Variants in DOCK5 observed in about 807,000 individuals in gnomAD.
The protein encoded by DOCK5 is dedicator of cytokinesis 5, also known as dedicator of cytokinesis protein 5.
In DOCK5, 142 loss-of-function variants were observed where a neutral mutation model predicts 251.8. The ratio of observed to expected loss-of-function variants is 0.56; its 90% CI spans 0.49 to 0.65. DOCK5 has a LOEUF of 0.65. DOCK5 is among the 30% of genes least tolerant of loss of function. The pLI, the probability that DOCK5 is intolerant of heterozygous loss-of-function variation, is 0.00. For synonymous variants in DOCK5, 842 were observed against 835.5 expected, an observed-to-expected ratio of 1.01 and a Z score of -0.13; for missense variants, 2,111 against 2,312.3, an observed-to-expected ratio of 0.91 and a Z score of 1.79.
At position 25,359,051 on chromosome 8, in the gene DOCK5, A is replaced by G. The variant is rs1349827213; in HGVS notation, c.2939A>G (p.Gln980Arg). 1 of 1,613,834 alleles carries G rather than the reference A, an allele frequency of 6.2e-7. No individual in the cohort carries two copies. The highest frequency in any genetic ancestry group is 1.7e-5 in the Admixed American group (1 of 60,004). The change falls in exon 28 of 52, where the codon CAA becomes CGA. Residue 980 changes from glutamine (Q) to arginine (R), a missense_variant. Gln to Arg is a conservative substitution (Grantham distance 43). This residue lies in a region of DOCK5 where 1,717 missense variants were observed against 1,892.4 expected (regional missense o/e 0.91). Transcript: ENST00000276440. Reference protein sequence around the residue: ...SHYISTFKTRQDIIDFLMETF... With the variant: ...SHYISTFKTRRDIIDFLMETF... The stretch of plus-strand genomic sequence containing the variant: ...TACATCAGCACTTTCAAAACCAGAC[A>G]AGACATCATCGTAAGTTGCCTTTAC...
chr8:25,402,235 C>T (rs1432224634), intron 47 of DOCK5, among the ~76,000 whole-genome samples: 1 of 152,186 alleles, frequency 6.6e-6, no homozygotes, highest in East Asian at 1.9e-4. Flanking sequence ...TCAAGCCATC[C>T]TCCCACCTCA....
At chr8:25,356,689 T>C (rs1050883587) in intron 27 of DOCK5, among the ~76,000 whole-genome samples, 3 of 151,906 alleles carry the variant, frequency 2.0e-5, no homozygotes, top group Non-Finnish European at 4.4e-5. Context: ...AGAAAATTAG[T>C]TAACAATTTG....
chr8:25,398,256 AG>A (rs1268481360), intron 45 of DOCK5, among the ~76,000 whole-genome samples: 1 of 152,244 alleles, frequency 6.6e-6, no homozygotes, highest in Non-Finnish European at 1.5e-5. Context: ...AAAAATTTCA[AG>A]TACTTGTATT....
At chr8:25,316,124 A>T (rs1325615022) in intron 13 of DOCK5, among the ~76,000 whole-genome samples, 1 of 152,206 alleles carries the variant, frequency 6.6e-6, no homozygotes, top group Non-Finnish European at 1.5e-5. Context: ...AACAAAAAAG[A>T]AAAAGAGCAG....
chr8:25,191,593 G>T (rs995526127), intron 1 of DOCK5, among the ~76,000 whole-genome samples: 2 of 151,978 alleles, frequency 1.3e-5, no homozygotes, highest in African/African-American at 4.8e-5. Context: ...CAAGTAAAGG[G>T]GTTCTGAGAC....
At chr8:25,384,517 T>TA (rs1801130354) in intron 40 of DOCK5, among the ~76,000 whole-genome samples, 1 of 149,692 alleles carries the variant, frequency 6.7e-6, no homozygotes, top group South Asian at 2.1e-4. Context: ...TGAAGTGCAG[T>TA]GGTGGAATCT....
At chr8:25,248,839 G>A (rs1313358197) in intron 2 of DOCK5, among the ~76,000 whole-genome samples, 1 of 152,122 alleles carries the variant, frequency 6.6e-6, no homozygotes, top group East Asian at 1.9e-4. Flanking sequence ...GCAAGCTGGT[G>A]TAGAGAGTAA....
rs1259060997 is a variant in DOCK5 at position 25,299,927 on chromosome 8, C to T, written c.765-649C>T. ...GGAATGACTGTTATAAAATTAAATT[C>T]TTTTTTTATCTTTTATTTATTGTTT... On this transcript the variant is annotated intron_variant, in intron 8 of 51. Transcript: ENST00000276440. 2.6e-5 allele frequency among the ~76,000 whole-genome samples: 4 copies of T among 152,060 alleles called. No homozygotes were observed. In the South Asian group the frequency reaches 8.3e-4, roughly 31 times the overall value.
intron 1 of DOCK5, among the ~76,000 whole-genome samples, chr8:25,217,179 G>A (rs1802269231): frequency 6.7e-6 from 1 of 149,278 alleles, no homozygotes; most frequent in South Asian, 2.1e-4. Flanking sequence ...GTTGTAGGGA[G>A]AGAGAGAGAT....
In DOCK5 at chr8:25,372,703, C is replaced by T; in HGVS notation, c.3669C>T (p.Cys1223=). Residue 1223 remains cysteine, a synonymous_variant, in exon 35 of 52, where the codon TGC becomes TGT. Coordinates refer to ENST00000276440, the MANE Select transcript of DOCK5 (RefSeq NM_024940.8). ...QDESKENRMS[C]TVNVLNFYKE... ...AGAGCAAGGAGAACCGTATGAGCTG[C>T]ACTGTGAACGTGCTGGTATGTGACA... 6.2e-7 allele frequency: 1 copy of T among 1,611,138 alleles called. No homozygotes were observed. The highest frequency in any genetic ancestry group is 8.5e-7 in the Non-Finnish European group (1 of 1,178,724).
At chr8:25,370,489 A>G (rs1054435335) in intron 34 of DOCK5, among the ~76,000 whole-genome samples, 15 of 136,696 alleles carry the variant, frequency 1.1e-4, no homozygotes, top group Admixed American at 6.8e-4. Flanking sequence ...CATGGTTGTT[A>G]TTATTACAAT....
In DOCK5 at chr8:25,411,292, C is replaced by T. The variant is rs144553063; in HGVS notation, c.5607C>T (p.Ser1869=). The change falls in exon 52 of 52, where the codon TCC becomes TCT. Residue 1869 remains serine (S), a synonymous_variant. Transcript: ENST00000276440. ...GCATCCCTACTTCCGAGCCTGGATC[C>T]CAGTAAGGATCTTGCCCTCCCTGCA... ...KSGIPTSEPG[S]Q is the part of the protein sequence containing the mutation. 8.7e-5 allele frequency: 134 copies of T among 1,542,948 alleles called. 1 individual carries two copies. In the African/African-American group the frequency reaches 1.7e-3, roughly 19 times the overall value.
At position 25,410,216 on chromosome 8, in the gene DOCK5, A is replaced by C; in HGVS notation, c.5508+14A>C. ...AACTCCACTGAGGTAGGGAAATCAC[A>C]GCTGGCAACTGTGGCCAGGGAGCGC... On this transcript the variant is annotated intron_variant, in intron 51 of 51. Coordinates refer to ENST00000276440, the MANE Select transcript of DOCK5 (RefSeq NM_024940.8). The C allele has an allele frequency of 6.2e-7, 1 of 1,610,078 alleles. No homozygotes were observed. The highest frequency in any genetic ancestry group is 1.1e-5 in the South Asian group (1 of 90,732).
At chr8:25,380,113 A>G (rs1801039149) in intron 38 of DOCK5, among the ~76,000 whole-genome samples, 192 bp from the exon 39 acceptor site, 1 of 152,224 alleles carries the variant, frequency 6.6e-6, no homozygotes, top group Admixed American at 6.5e-5. Context: ...AAAGCTGCCA[A>G]TATACACTGT....
Position 25,377,453 on chromosome 8 carries a change from G to A in DOCK5, c.3936+29G>A, listed in dbSNP as rs369042983. The stretch of plus-strand genomic sequence containing the variant: ...AGTATTGGATTGTTTTTGTACTAGG[G>A]GAAAGAGGAAAATGACCGCAGTATC... On this transcript the variant is annotated intron_variant, in intron 38 of 51. Coordinates refer to ENST00000276440, the MANE Select transcript of DOCK5 (RefSeq NM_024940.8). 14 of 1,605,988 alleles carry A rather than the reference G, an allele frequency of 8.7e-6. No individual in the cohort carries two copies. In the African/African-American group the frequency reaches 1.6e-4, roughly 18 times the overall value.
At chr8:25,280,973 T>C (rs1259429557) in intron 5 of DOCK5, among the ~76,000 whole-genome samples, 1 of 131,448 alleles carries the variant, frequency 7.6e-6, no homozygotes, top group Non-Finnish European at 1.6e-5. Flanking sequence ...GGGAAAGGAG[T>C]TTTTTTTTTT....
intron 28 of DOCK5, among the ~76,000 whole-genome samples, chr8:25,362,670 T>C (rs977372007): frequency 2.0e-5 from 3 of 152,000 alleles, no homozygotes; most frequent in African/African-American, 4.8e-5. Context: ...TTTCACTATG[T>C]TGGCCAAGCT....
chr8:25,358,978 T>G lies in DOCK5; in HGVS notation c.2866T>G (p.Cys956Gly), dbSNP rs1326752818. 1 of 1,613,984 alleles carries G rather than the reference T, an allele frequency of 6.2e-7. No homozygotes were observed. The highest frequency in any genetic ancestry group is 2.2e-5 in the East Asian group (1 of 44,882). The change falls in exon 28 of 52, where the codon TGC becomes GGC. Residue 956 changes from cysteine to glycine, a missense_variant. Cys to Gly is a radical substitution (Grantham distance 159). Transcript: ENST00000276440. The stretch of plus-strand genomic sequence containing the variant: ...TTCCTTCCAGGGGAGTTTTGTGGCT[T>G]GCATGATTGCCCTGCTGCAGCAAAT... ...QSPHIGSFVA[C>G]MIALLQQMDD...
intron 5 of DOCK5, among the ~76,000 whole-genome samples, chr8:25,282,540 A>C (rs1804222694): frequency 6.6e-6 from 1 of 152,110 alleles, no homozygotes; most frequent in South Asian, 2.1e-4. Flanking sequence ...GTAGATTACA[A>C]CACCAGACGC....
Sources: gnomAD v4.1 joint callset for allele counts (sites outside exome capture counted in the v4.1 genomes callset) on GRCh38, gnomAD v4.1.1 for gene constraint, gnomAD v4.1.1 regional missense constraint, MANE v1.5 for transcripts, NCBI Gene and HGNC (gene_info 2026-07-23, HGNC 2026-07-21) for gene names.